AVL9: variants seen among roughly 807,000 people sequenced by gnomAD.
The protein encoded by AVL9 is AVL9 cell migration associated, also known as late secretory pathway protein AVL9 homolog.
AVL9 carries 49 observed loss-of-function variants against 79.2 expected under a neutral mutation model. The ratio of observed to expected loss-of-function variants is 0.62; its 90% confidence interval spans 0.49 to 0.79. AVL9 has a LOEUF of 0.79. Among genes scored for constraint, AVL9 ranks in the 30% least tolerant of loss-of-function variants. The pLI, the probability that AVL9 is intolerant of heterozygous loss-of-function variation, is 0.00. For missense variants in AVL9, 682 were observed against 776.8 expected (o/e 0.88, Z 1.45); for synonymous variants, 299 against 280.6 (o/e 1.07, Z -0.65).
Position 32,583,822 on chromosome 7 carries a change from CAA to C in AVL9, c.1864_1865del (p.Lys622AspfsTer20), listed in dbSNP as rs1791635532. 1.2e-6 allele frequency: 2 copies of C among 1,613,932 alleles called. No homozygotes were observed. The highest frequency in any genetic ancestry group is 1.7e-6 in the Non-Finnish European group (2 of 1,179,854). ...TCAGTTGGAGGAGCTTTTTCCAGTG[CAA>C]AGACAGCTATGTCTTCATGGCTTTC... On this transcript the variant is annotated frameshift_variant, in exon 16 of 16. Transcript: ENST00000318709. LOFTEE classifies it high-confidence loss of function.
At chr7:32,537,002 G>T (rs1788942812) in intron 1 of AVL9, 1 of 152,166 alleles carries the variant, frequency 6.6e-6, no homozygotes, top group African/African-American at 2.4e-5. Context: ...TTGTTTAGGG[G>T]TTTTTATGGA....
chr7:32,578,518 A>G (rs1210311168), intron 13 of AVL9, among the ~76,000 whole-genome samples: 1 of 152,232 alleles, frequency 6.6e-6, no homozygotes, highest in Non-Finnish European at 1.5e-5. Context: ...ATTAAAAATA[A>G]CAAATGTGGC....
rs1388184853 is a variant in AVL9, at chr7:32,579,521, ATAT to A, written c.1689-694_1689-692del. On this transcript the variant is annotated intron_variant, in intron 13 of 15. Coordinates refer to ENST00000318709, the MANE Select transcript of AVL9 (RefSeq NM_015060.3). ...TATTATATATTATATATTATATTATATATTATATATTATATTATATATTATATA... is the reference window on the plus strand; with the variant it reads ...TATTATATATTATATATTATATTATATATATATTATATTATATATTATATA... 1.8e-3 allele frequency among the ~76,000 whole-genome samples: 11 copies of A among 6,230 alleles called. 2 individuals carry two copies. Among genetic ancestry groups the A allele is most frequent in the East Asian group, 9.1e-3 (1 of 110 alleles). 4.1% of individuals were successfully genotyped at this position (6,230 alleles called of 152,430 possible).
chr7:32,580,667 CTTCTT>C (rs1791454250), intron 14 of AVL9, 130 bp from the exon 15 acceptor site: 2 of 612,408 alleles, frequency 3.3e-6, no homozygotes, highest in Admixed American at 6.5e-5. Context: ...AATAATTTAG[CTTCTT>C]TTCTCAGTAA....
intron 1 of AVL9, among the ~76,000 whole-genome samples, chr7:32,540,539 T>A (rs1028823921): frequency 3.3e-5 from 5 of 152,208 alleles, no homozygotes; most frequent in African/African-American, 1.2e-4. Context: ...TTCAAGAAGA[T>A]GTAACTGATG....
chr7:32,580,105 A>C (rs1791433940), intron 13 of AVL9, 114 bp from the exon 14 acceptor site: 3 of 771,294 alleles, frequency 3.9e-6, no homozygotes. Context: ...CAAACACAGC[A>C]CTACCACCCA....
intron 15 of AVL9, among the ~76,000 whole-genome samples, chr7:32,582,792 C>G (rs1791573225): frequency 6.6e-6 from 1 of 152,202 alleles, no homozygotes; most frequent in African/African-American, 2.4e-5. Context: ...TGGCAGGATC[C>G]TCCTTCCTCA....
intron 1 of AVL9, among the ~76,000 whole-genome samples, chr7:32,517,845 T>G (rs10274254): frequency 0.45 from 68,238 of 150,792 alleles, 16,575 homozygotes; most frequent in Non-Finnish European, 0.55. Flanking sequence ...GTTTTGTTTT[T>G]TTTTGAAACA....
At chr7:32,561,483 T>C (rs1386661108) in intron 10 of AVL9, among the ~76,000 whole-genome samples, 1 of 152,226 alleles carries the variant, frequency 6.6e-6, no homozygotes, top group Non-Finnish European at 1.5e-5. Context: ...AGCTTTCATA[T>C]AATCGAAGAG....
chr7:32,500,625 T>G (rs1163315886), intron 1 of AVL9, among the ~76,000 whole-genome samples: 1 of 152,188 alleles, frequency 6.6e-6, no homozygotes, highest in Non-Finnish European at 1.5e-5. Flanking sequence ...AGATCCCATT[T>G]GTCAATTTTG....
intron 1 of AVL9, among the ~76,000 whole-genome samples, chr7:32,517,196 T>C (rs1189762973): frequency 2.0e-5 from 3 of 152,182 alleles, no homozygotes; most frequent in Admixed American, 6.5e-5. Flanking sequence ...TATTTTGTTA[T>C]GTGTTTTGGC....
chr7:32,525,607 T>C (rs193284649), intron 1 of AVL9, among the ~76,000 whole-genome samples: 309 of 152,322 alleles, frequency 2.0e-3, no homozygotes, highest in Middle Eastern at 3.4e-3. Context: ...GCAGATTGAA[T>C]CATGAATTAT....
chr7:32,550,827 A>C (rs1789779646), intron 4 of AVL9, among the ~76,000 whole-genome samples: 1 of 152,146 alleles, frequency 6.6e-6, no homozygotes, highest in African/African-American at 2.4e-5. Context: ...AGATATAAAA[A>C]CAAGCTGTTA....
intron 1 of AVL9, among the ~76,000 whole-genome samples, chr7:32,510,113 AGG>A (rs1787593290): frequency 1.4e-5 from 2 of 141,360 alleles, no homozygotes; most frequent in Non-Finnish European, 3.1e-5. Flanking sequence ...AGGGTGAGAT[AGG>A]TGAGCCATCA....
chr7:32,534,997 G>A (rs1302809503), intron 1 of AVL9: 1 of 152,058 alleles, frequency 6.6e-6, no homozygotes, highest in Admixed American at 6.6e-5. Flanking sequence ...TCTCTTCCTG[G>A]TACAGAAAGG....
rs374465783 is a variant in AVL9, at chr7:32,551,335, C to G, written c.374C>G (p.Pro125Arg). ...GTAATTTCTCTTTTTTCCTTTAAGC[C>G]TCTGTATGGTTTACTTCAAGCAAAA... is the stretch of plus-strand genomic sequence containing the variant. ...QKSVCVLSKL[P>R]LYGLLQAKLQ... Residue 125 changes from proline (P) to arginine (R), a missense_variant and splice_region_variant, in exon 5 of 16, where the codon CCT becomes CGT. Transcript: ENST00000318709. 73 of 1,589,756 alleles carry G rather than the reference C, an allele frequency of 4.6e-5. No individual in the cohort carries two copies. The highest frequency in any genetic ancestry group is 6.2e-5 in the Non-Finnish European group (72 of 1,161,080).
intron 1 of AVL9, among the ~76,000 whole-genome samples, chr7:32,511,543 G>GGTC (rs1437284083): frequency 2.0e-5 from 3 of 152,044 alleles, no homozygotes; most frequent in African/African-American, 7.2e-5. Flanking sequence ...CTAGCAAGAG[G>GGTC]GTCTATGAGG....
chr7:32,546,083 TAAA>T (rs1562779094), intron 3 of AVL9, among the ~76,000 whole-genome samples: 51 of 144,742 alleles, frequency 3.5e-4, no homozygotes, highest in South Asian at 6.4e-4. Context: ...TTTTTTTTTT[TAAA>T]TATCTGTACC....
At chr7:32,557,756 A>G (rs901358643) in intron 8 of AVL9, among the ~76,000 whole-genome samples, 1 of 152,090 alleles carries the variant, frequency 6.6e-6, no homozygotes, top group Admixed American at 6.5e-5. Context: ...GTTGTTTCAC[A>G]GTAGTTTTAG....
Sources: gnomAD v4.1 joint callset for allele counts (sites outside exome capture counted in the v4.1 genomes callset) on GRCh38, gnomAD v4.1.1 for gene constraint, MANE v1.5 for transcripts, NCBI Gene and HGNC (gene_info 2026-07-23, HGNC 2026-07-21) for gene names.